The following EBF2 variants were observed in gnomAD, a reference collection of about 807,000 sequenced individuals.
The protein encoded by EBF2 is transcription factor COE2.
EBF2 carries 21 observed loss-of-function variants against 72.8 expected under a neutral mutation model. The observed-to-expected ratio is 0.29, with a 90% CI of 0.20 to 0.42. The LOEUF (loss-of-function observed/expected upper bound fraction) is 0.42, where lower values mean the gene tolerates loss of function less well. Among genes scored for constraint, EBF2 ranks in the 10% least tolerant of loss-of-function variants. EBF2 has a pLI of 1.00. For synonymous variants in EBF2, 299 were observed against 274.2 expected, an observed-to-expected ratio of 1.09 and a Z score of -0.89; for missense variants, 637 against 731.2, an observed-to-expected ratio of 0.87 and a Z score of 1.49.
chr8:26,045,237 A>G lies in EBF2; in HGVS notation c.-378T>C, dbSNP rs902629537. On this transcript the variant is annotated 5_prime_UTR_variant, in exon 1 of 16. Coordinates refer to ENST00000520164, the MANE Select transcript of EBF2 (RefSeq NM_022659.4). ...GCTGCCTAATCTCTCCCCTTCCTCC[A>G]GGTCCCCCCTCCCTGCTCCTCCCCA... The G allele has an allele frequency of 1.6e-4, 25 of 157,262 alleles. No individual in the cohort carries two copies. The highest frequency in any genetic ancestry group is 4.2e-5 in the Non-Finnish European group (3 of 71,734). The allele number at this position is 157,262 out of a possible 1,614,324, so 9.7% of individuals were successfully genotyped here.
intron 2 of EBF2, among the ~76,000 whole-genome samples, chr8:26,041,741 C>T (rs768625477): frequency 6.6e-6 from 1 of 152,162 alleles, no homozygotes; most frequent in Non-Finnish European, 1.5e-5. Context: ...ACCTGGCTCT[C>T]GCAGGTGCAA....
intron 10 of EBF2, among the ~76,000 whole-genome samples, chr8:25,882,099 T>A (rs561167227): frequency 6.6e-6 from 1 of 152,180 alleles, no homozygotes; most frequent in Admixed American, 6.5e-5. Flanking sequence ...TTGAGCTGAG[T>A]AACACAAGCC....
intron 10 of EBF2, among the ~76,000 whole-genome samples, chr8:25,879,041 C>A (rs1296912500): frequency 6.6e-6 from 1 of 151,970 alleles, no homozygotes; most frequent in African/African-American, 2.4e-5. Flanking sequence ...TACAAGTAAG[C>A]AACATGAAAA....
At chr8:25,877,714 G>T (rs976531271) in intron 10 of EBF2, among the ~76,000 whole-genome samples, 1 of 152,018 alleles carries the variant, frequency 6.6e-6, no homozygotes, top group Non-Finnish European at 1.5e-5. Context: ...AGGTTCTCTG[G>T]AGTCTCCCGC....
chr8:25,861,010 T>C, intron 13 of EBF2, 39 bp downstream of exon 13: 3 of 1,613,280 alleles, frequency 1.9e-6, no homozygotes, highest in Non-Finnish European at 2.5e-6. Flanking sequence ...ACTTTTTAAA[T>C]TAGACATATT....
Position 26,033,106 on chromosome 8 carries a change from G to A in EBF2, c.530C>T (p.Ser177Leu), listed in dbSNP as rs1416840624. The change falls in exon 6 of 16, where the codon TCG becomes TTG. Residue 177 changes from serine (S) to leucine (L), a missense_variant. Ser to Leu is a moderately radical substitution (Grantham distance 145). This residue lies in a region of EBF2 where 204 missense variants were observed against 301.2 expected (regional missense o/e 0.68). Transcript: ENST00000520164. ...CTACCTGTCAATTATGACTGGGTCC[G>A]ATGGAGTCTCATTTCGGTTTCCACA... The part of the protein sequence containing the change: ...KSCGNRNETP[S>L]DPVIIDRFFL... The A allele has an allele frequency of 2.5e-6, 4 of 1,614,124 alleles. No individual in the cohort carries two copies. Among genetic ancestry groups the A allele is most frequent in the East Asian group, 2.2e-5 (1 of 44,880 alleles).
At chr8:25,851,798 C>T (rs190588463) in intron 14 of EBF2, among the ~76,000 whole-genome samples, 5 of 152,238 alleles carry the variant, frequency 3.3e-5, no homozygotes, top group Admixed American at 1.3e-4. Flanking sequence ...AAAGTAAATT[C>T]GAAAGTGAGG....
chr8:25,913,776 G>C (rs1365194308), intron 6 of EBF2, among the ~76,000 whole-genome samples: 2 of 152,148 alleles, frequency 1.3e-5, no homozygotes, highest in Non-Finnish European at 2.9e-5. Flanking sequence ...ACGTACAGTT[G>C]ATATGGCCTC....
intron 7 of EBF2, among the ~76,000 whole-genome samples, chr8:25,905,242 A>G (rs1009363672): frequency 6.6e-6 from 1 of 152,198 alleles, no homozygotes; most frequent in Admixed American, 6.5e-5. Context: ...ACCAGTGGAA[A>G]TGTAAAATGG....
chr8:25,992,202 T>C (rs1446956697), intron 6 of EBF2, among the ~76,000 whole-genome samples: 1 of 151,618 alleles, frequency 6.6e-6, no homozygotes, highest in Non-Finnish European at 1.5e-5. Context: ...TAGCTGGGCA[T>C]GGTGGCAGGC....
In EBF2 at chr8:26,009,107, G is replaced by GA. The variant is rs66503039; in HGVS notation, c.551+23977dup. On this transcript the variant is annotated intron_variant, in intron 6 of 15. Coordinates refer to ENST00000520164, the MANE Select transcript of EBF2 (RefSeq NM_022659.4). ...TTTTAAGTTATCCATGAGTAAAAGC[G>GA]AAAAAAAAAAAAAAAAAAAAAAACC... 2.4e-3 allele frequency among the ~76,000 whole-genome samples: 202 copies of GA among 84,996 alleles called. 3 individuals carry two copies. The highest frequency in any genetic ancestry group is 3.0e-3 in the Non-Finnish European group (143 of 46,992). The allele number at this position is 84,996 out of a possible 152,430, so 55.8% of individuals were successfully genotyped here.
chr8:26,005,540 T>C (rs1804857864), intron 6 of EBF2, among the ~76,000 whole-genome samples: 1 of 14,970 alleles, frequency 6.7e-5, no homozygotes, highest in Admixed American at 1.3e-3. Flanking sequence ...ATTATATATA[T>C]TTTATATATA....
In EBF2 at chr8:25,861,194, A is replaced by G. The variant is rs768535174; in HGVS notation, c.1197T>C (p.Ala399=). 1.2e-6 allele frequency: 2 copies of G among 1,613,578 alleles called. No individual in the cohort carries two copies. Among genetic ancestry groups the G allele is most frequent in the East Asian group, 2.2e-5 (1 of 44,896 alleles). The change falls in exon 13 of 16, where the codon GCT becomes GCC. Residue 399 remains alanine (A), a synonymous_variant. Transcript: ENST00000520164. ...DIILKRAADI[A]EALYSVPRNP... ...TCCTGGGGACGCTGTAGAGAGCTTC[A>G]GCAATGTCTGCGGCTCGCTTCAAAA...
At chr8:26,032,233 G>A (rs1439220837) in intron 6 of EBF2, 1 of 152,186 alleles carries the variant, frequency 6.6e-6, no homozygotes. Context: ...AACCAAGCTG[G>A]CTTTCTGGGA....
chr8:25,908,043 C>A (rs1803068382), intron 7 of EBF2, among the ~76,000 whole-genome samples: 1 of 152,202 alleles, frequency 6.6e-6, no homozygotes, highest in African/African-American at 2.4e-5. Context: ...TGGGCTGCTG[C>A]CTTCCAGAAG....
chr8:25,863,558 A>C (rs1802248919), intron 10 of EBF2, among the ~76,000 whole-genome samples: 1 of 152,134 alleles, frequency 6.6e-6, no homozygotes, highest in South Asian at 2.1e-4. Context: ...TTATTCTTTA[A>C]AAGTTTCTTG....
intron 10 of EBF2, among the ~76,000 whole-genome samples, chr8:25,883,861 C>T (rs557074028): frequency 4.5e-4 from 69 of 152,172 alleles, no homozygotes; most frequent in South Asian, 8.3e-4. Flanking sequence ...GAACAAGACC[C>T]GCTATCCAAC....
At chr8:25,966,159 A>AG (rs1804111751) in intron 6 of EBF2, among the ~76,000 whole-genome samples, 1 of 152,240 alleles carries the variant, frequency 6.6e-6, no homozygotes, top group Non-Finnish European at 1.5e-5. Flanking sequence ...TCAAGGCCTG[A>AG]GGCTTTAGAG....
rs1473558454 is a variant in EBF2 at position 26,042,212 on chromosome 8, A to G, written c.171T>C (p.Pro57=). 1 of 1,614,142 alleles carries G rather than the reference A, an allele frequency of 6.2e-7. No individual in the cohort carries two copies. The highest frequency in any genetic ancestry group is 1.1e-5 in the South Asian group (1 of 91,086). ...ALSRAHFEKQ[P]PSNLRKSNFF... is the part of the protein sequence containing the mutation. ...AGTTGGATTTCCTCAAGTTGGAAGGAGGCTGTTTCTCAAAGTGGGCCCGGG... is the reference window on the plus strand; with the variant it reads ...AGTTGGATTTCCTCAAGTTGGAAGGGGGCTGTTTCTCAAAGTGGGCCCGGG... The change falls in exon 2 of 16, where the codon CCT becomes CCC. Residue 57 remains proline, a synonymous_variant. Coordinates refer to ENST00000520164, the MANE Select transcript of EBF2 (RefSeq NM_022659.4).
Sources: allele counts gnomAD v4.1 joint callset (sites outside exome capture counted in the v4.1 genomes callset), GRCh38; gene constraint gnomAD v4.1.1; regional missense constraint gnomAD v4.1.1; transcripts MANE v1.5; gene names NCBI Gene and HGNC (gene_info 2026-07-23, HGNC 2026-07-21).